SATL1: variants seen among roughly 807,000 people sequenced by gnomAD.
The protein encoded by SATL1 is spermidine/spermine N1-acetyl transferase like 1, also known as spermidine/spermine N(1)-acetyltransferase-like protein 1.
Under a neutral mutation model 51.8 loss-of-function variants are expected in SATL1, and 47 were observed. The observed-to-expected ratio is 0.91, with a 90% CI of 0.72 to 1.16. SATL1 has a LOEUF of 1.16. SATL1 is among the 50% of genes most tolerant of loss of function. The pLI is 0.00. For missense variants in SATL1, 520 were observed against 526.4 expected, an observed-to-expected ratio of 0.99 and a Z score of 0.12; for synonymous variants, 176 against 182.4, an observed-to-expected ratio of 0.97 and a Z score of 0.28.
At chrX:85,128,008 G>T (rs1349396922) in intron 2 of SATL1, among the ~76,000 whole-genome samples, 1 of 111,524 alleles carries the variant, frequency 9.0e-6, no homozygotes, top group African/African-American at 3.3e-5. Flanking sequence ...AGTATTCCAT[G>T]GTGTATATGT....
intron 2 of SATL1, chrX:85,142,843 G>C (rs983835017): frequency 8.9e-6 from 1 of 111,954 alleles, no homozygotes; most frequent in Admixed American, 9.5e-5. Flanking sequence ...TTCCTTACCA[G>C]ATACTTCCTT....
chrX:85,201,864 T>C (rs1351552178), intron 2 of SATL1, among the ~76,000 whole-genome samples: 1 of 112,430 alleles, frequency 8.9e-6, no homozygotes, highest in Non-Finnish European at 1.9e-5. Flanking sequence ...CAGTCTGTCA[T>C]TGATGGGCAT....
At chrX:85,136,260 T>C (rs1925952014) in intron 2 of SATL1, among the ~76,000 whole-genome samples, 1 of 106,822 alleles carries the variant, frequency 9.4e-6, no homozygotes, top group Non-Finnish European at 2.0e-5. Flanking sequence ...AGCAGAGATG[T>C]TCATTAAGCA....
At chrX:85,147,866 G>T (rs1438435106) in intron 2 of SATL1, among the ~76,000 whole-genome samples, 6 of 111,552 alleles carry the variant, frequency 5.4e-5, no homozygotes, top group African/African-American at 2.0e-4. Context: ...AAACCACAAA[G>T]ATGGGGAAAA....
intron 2 of SATL1, chrX:85,218,903 T>C (rs1043447314): frequency 1.8e-5 from 2 of 112,382 alleles, no homozygotes; most frequent in African/African-American, 6.5e-5. Flanking sequence ...AAATAAGATA[T>C]TTTCATGTGT....
At chrX:85,126,582 C>T (rs1925630250) in intron 2 of SATL1, among the ~76,000 whole-genome samples, 2 of 111,293 alleles carry the variant, frequency 1.8e-5, no homozygotes, top group East Asian at 5.7e-4. Context: ...TACTCTAGCC[C>T]TACTGATCTT....
At chrX:85,101,325 A>T (rs769887223) in intron 4 of SATL1, among the ~76,000 whole-genome samples, 1 of 111,960 alleles carries the variant, frequency 8.9e-6, no homozygotes, top group Non-Finnish European at 1.9e-5. Context: ...TATATAAAGG[A>T]CTCCTACAAC....
intron 2 of SATL1, among the ~76,000 whole-genome samples, chrX:85,198,892 G>A (rs995122830): frequency 8.3e-5 from 9 of 107,794 alleles, no homozygotes; most frequent in African/African-American, 2.7e-4. Context: ...AGGCTGGAGC[G>A]CAGTGACACA....
intron 2 of SATL1, among the ~76,000 whole-genome samples, chrX:85,125,186 C>A (rs1375547535): frequency 9.0e-6 from 1 of 110,847 alleles, no homozygotes; most frequent in African/African-American, 3.3e-5. Context: ...ACCCAGGGAC[C>A]ATTCAGCTCA....
intron 2 of SATL1, chrX:85,212,538 T>A (rs763761803): frequency 8.9e-6 from 1 of 112,317 alleles, no homozygotes; most frequent in East Asian, 2.8e-4. Flanking sequence ...GCTATGTCAA[T>A]CTAATGTAAC....
intron 2 of SATL1, among the ~76,000 whole-genome samples, chrX:85,192,958 ACTCT>A (rs1280983425): frequency 9.0e-6 from 1 of 111,279 alleles, no homozygotes; most frequent in African/African-American, 3.3e-5. Context: ...GTTTAACTTC[ACTCT>A]ACTCTACTCT....
chrX:85,099,108 T>A (rs1924817667), intron 4 of SATL1, among the ~76,000 whole-genome samples: 1 of 111,039 alleles, frequency 9.0e-6, no homozygotes, highest in South Asian at 3.8e-4. Context: ...CACTACAACA[T>A]TAAAAGGGGG....
intron 2 of SATL1, among the ~76,000 whole-genome samples, chrX:85,139,908 T>G (rs141701341): frequency 0.022 from 2,478 of 111,528 alleles, 69 homozygotes; most frequent in African/African-American, 0.077. Flanking sequence ...AGATAAATCT[T>G]CACACAGTGA....
intron 4 of SATL1, among the ~76,000 whole-genome samples, chrX:85,095,820 C>T (rs1297300412): frequency 1.3e-4 from 8 of 60,002 alleles, no homozygotes; most frequent in Non-Finnish European, 1.7e-4. Flanking sequence ...AGCGAGACTC[C>T]GTCTCAAAAA....
At chrX:85,133,566 C>T (rs1925871075) in intron 2 of SATL1, among the ~76,000 whole-genome samples, 2 of 112,348 alleles carry the variant, frequency 1.8e-5, no homozygotes, top group South Asian at 7.4e-4. Flanking sequence ...CACAGCTTCC[C>T]TTGGCTAGGA....
intron 4 of SATL1, among the ~76,000 whole-genome samples, chrX:85,100,317 CT>C: frequency 1.8e-5 from 2 of 112,461 alleles, no homozygotes; most frequent in East Asian, 5.6e-4. Flanking sequence ...TAAGAGAAAG[CT>C]TCTAGAGCTG....
At chrX:85,208,498 C>T (rs1927838223) in intron 2 of SATL1, among the ~76,000 whole-genome samples, 1 of 111,815 alleles carries the variant, frequency 8.9e-6, no homozygotes, top group Admixed American at 9.5e-5. Context: ...AATGGTTGAA[C>T]TAATTTACAC....
intron 2 of SATL1, among the ~76,000 whole-genome samples, chrX:85,164,747 G>A (rs1453980213): frequency 9.8e-6 from 1 of 101,892 alleles, no homozygotes; most frequent in African/African-American, 3.6e-5. Flanking sequence ...TTTTTTAGAT[G>A]GAGTTTCACT....
chrX:85,146,662 C>G (rs1212884129), intron 2 of SATL1, among the ~76,000 whole-genome samples: 1 of 112,102 alleles, frequency 8.9e-6, no homozygotes, highest in Non-Finnish European at 1.9e-5. Context: ...GAGTACCTTA[C>G]TTAGGATCTG....
Sources: gnomAD v4.1 joint callset for allele counts (sites outside exome capture counted in the v4.1 genomes callset) on GRCh38, gnomAD v4.1.1 for gene constraint, MANE v1.5 for transcripts, NCBI Gene and HGNC (gene_info 2026-07-23, HGNC 2026-07-21) for gene names.